Variants in PCDHGA5 observed in about 807,000 individuals in gnomAD.
PCDHGA5 encodes the protein protocadherin gamma subfamily A, 5.
Under a neutral mutation model 56.7 loss-of-function variants are expected in PCDHGA5, and 36 were observed. That is an observed-to-expected ratio of 0.64 (90% CI 0.49 to 0.84). PCDHGA5 has a LOEUF of 0.84. PCDHGA5 is among the 40% of genes least tolerant of loss of function. The probability of loss-of-function intolerance (pLI) is 0.00; values close to 1 mark genes in which losing one functional copy is unlikely to be tolerated. For synonymous variants in PCDHGA5, 563 were observed against 520.2 expected, an observed-to-expected ratio of 1.08 and a Z score of -1.12; for missense variants, 1,305 against 1,201.5, an observed-to-expected ratio of 1.09 and a Z score of -1.27.
chr5:141,376,210 C>T lies in PCDHGA5; in HGVS notation c.2421+9459C>T, dbSNP rs112869528. On this transcript the variant is annotated intron_variant, in intron 1 of 3. Transcript: ENST00000518069. ...CCTGCGTCTTCCTGGCCTTCGTCAT[C>T]GTGCTGCTGGCGCTCAGACTGCAGC... is the stretch of plus-strand genomic sequence containing the variant. 4,829 of 1,614,162 alleles carry T rather than the reference C, an allele frequency of 3.0e-3. 128 individuals carry two copies. The African/African-American group carries it at 0.055, about 18-fold the overall frequency.
At chr5:141,456,574 T>G (rs373414652) in intron 1 of PCDHGA5, among the ~76,000 whole-genome samples, 3 of 152,198 alleles carry the variant, frequency 2.0e-5, no homozygotes, top group South Asian at 4.1e-4. Flanking sequence ...ACATTTTCCC[T>G]GAGCCTGTCA....
At chr5:141,376,381 T>C (rs1588802356) in intron 1 of PCDHGA5, 13 of 1,613,972 alleles carry the variant, frequency 8.1e-6, no homozygotes, top group Middle Eastern at 1.7e-4. Context: ...CGCGTAAGAG[T>C]CATCTGATTT....
At chr5:141,395,094 G>T (rs192995605) in intron 1 of PCDHGA5, 4 of 1,614,042 alleles carry the variant, frequency 2.5e-6, no homozygotes, top group Non-Finnish European at 3.4e-6. Flanking sequence ...CTCCCTCACC[G>T]CCGACTCGCG....
chr5:141,475,202 G>T (rs746895166), intron 1 of PCDHGA5, among the ~76,000 whole-genome samples: 38 of 152,086 alleles, frequency 2.5e-4, no homozygotes, highest in Non-Finnish European at 5.3e-4. Context: ...CAAGATCTTG[G>T]GAAAAGGATT....
At chr5:141,409,920 C>T (rs759433257) in intron 1 of PCDHGA5, 2 of 1,613,400 alleles carry the variant, frequency 1.2e-6, no homozygotes, top group Non-Finnish European at 1.7e-6. Flanking sequence ...GACGGCTCCG[C>T]GTTCTTCGAT....
chr5:141,486,714 C>G lies in PCDHGA5; in HGVS notation c.2422-8093C>G. On this transcript the variant is annotated intron_variant, in intron 1 of 3. Transcript: ENST00000518069. This position sits in a 1 kb window ranked among gnomAD's most constrained non-coding sequence, Gnocchi z 5.0. ...TCTTTCATCTCTCTGAACCCCCAGA[C>G]AGGAGCTGTTCATGCTACTCGATCC... 1.2e-6 allele frequency: 2 copies of G among 1,614,216 alleles called. No individual in the cohort carries two copies. Among genetic ancestry groups the G allele is most frequent in the African/African-American group, 1.3e-5 (1 of 75,062 alleles).
At chr5:141,393,777 G>A (rs1388423635) in intron 1 of PCDHGA5, 2 of 1,613,916 alleles carry the variant, frequency 1.2e-6, no homozygotes, top group East Asian at 2.2e-5. Context: ...AATACAAGCC[G>A]AAGATGTGGG....
rs1054012796 is a variant in PCDHGA5 at position 141,420,071 on chromosome 5, G to C, written c.2421+53320G>C. The C allele has an allele frequency of 6.2e-7, 1 of 1,614,050 alleles. No individual in the cohort carries two copies. On this transcript the variant is annotated intron_variant, in intron 1 of 3. Coordinates refer to ENST00000518069, the MANE Select transcript of PCDHGA5 (RefSeq NM_018918.3). ...AGTTCTCTGCTCCAAGTCCGGACCT[G>C]TGGGTCCCCCCAACTACAGTGAGGG...
chr5:141,372,707 G>C, intron 1 of PCDHGA5: 1 of 1,613,964 alleles, frequency 6.2e-7, no homozygotes, highest in Non-Finnish European at 8.5e-7. Context: ...TCAATATAAA[G>C]GCTGAAAATG....
chr5:141,456,800 TA>T (rs1038857337), intron 1 of PCDHGA5, among the ~76,000 whole-genome samples: 2 of 151,846 alleles, frequency 1.3e-5, no homozygotes, highest in African/African-American at 4.8e-5. Flanking sequence ...CCATCTCTAC[TA>T]AAAATACAAA....
At chr5:141,414,932 C>T (rs770025434) in intron 1 of PCDHGA5, 3 of 1,614,162 alleles carry the variant, frequency 1.9e-6, no homozygotes, top group Middle Eastern at 1.7e-4. Context: ...CCCCGCTCCG[C>T]AGAGCCCGGC....
chr5:141,432,991 C>G lies in PCDHGA5; in HGVS notation c.2422-61816C>G, dbSNP rs1269992849. ...CGGCGTCGCACTTTGTGGGCGTGGACGGGGTGCAGGCTTTCCTGCAGACCT... is the reference window on the plus strand; with the variant it reads ...CGGCGTCGCACTTTGTGGGCGTGGAGGGGGTGCAGGCTTTCCTGCAGACCT... On this transcript the variant is annotated intron_variant, in intron 1 of 3. Transcript: ENST00000518069. The surrounding 1 kb of genome is among the most constrained non-coding windows in gnomAD (Gnocchi z 6.0). The G allele has an allele frequency of 6.2e-7, 1 of 1,614,200 alleles. No homozygotes were observed. Among genetic ancestry groups the G allele is most frequent in the Admixed American group, 1.7e-5 (1 of 60,032 alleles).
Position 141,485,606 on chromosome 5 carries a change from G to T in PCDHGA5, c.2422-9201G>T, listed in dbSNP as rs2099616630. On this transcript the variant is annotated intron_variant, in intron 1 of 3. Transcript: ENST00000518069. The surrounding 1 kb of genome is among the most constrained non-coding windows in gnomAD (Gnocchi z 5.7). ...GCAGCTGGACTTGGAAATTGGGGAG[G>T]CAGCTCCTCCAGGACAGCGTTTCCC... is the stretch of plus-strand genomic sequence containing the variant. 1.2e-6 allele frequency: 2 copies of T among 1,612,362 alleles called. No homozygotes were observed. The highest frequency in any genetic ancestry group is 4.5e-5 in the East Asian group (2 of 44,840).
intron 1 of PCDHGA5, chr5:141,409,850 G>T (rs1301108879): frequency 6.2e-7 from 1 of 1,612,142 alleles, no homozygotes; most frequent in South Asian, 1.1e-5. Context: ...GAGCCTGCGC[G>T]TGTTGGTGGG....
At chr5:141,439,151 C>T (rs563575567) in intron 1 of PCDHGA5, among the ~76,000 whole-genome samples, 1 of 150,892 alleles carries the variant, frequency 6.6e-6, no homozygotes, top group Admixed American at 6.6e-5. Context: ...TGAGATCACG[C>T]CACTGCACTC....
chr5:141,450,776 C>G (rs757791026), intron 1 of PCDHGA5, among the ~76,000 whole-genome samples: 1 of 151,440 alleles, frequency 6.6e-6, no homozygotes, highest in Non-Finnish European at 1.5e-5. Flanking sequence ...CATGAGCCAC[C>G]GTGCCCGGAC....
chr5:141,484,763 T>C (rs2099600495), intron 1 of PCDHGA5, among the ~76,000 whole-genome samples: 1 of 151,872 alleles, frequency 6.6e-6, no homozygotes, highest in East Asian at 1.9e-4. Flanking sequence ...TATATATATA[T>C]ATGTTGTCTG....
At chr5:141,409,075 G>A (rs1416534881) in intron 1 of PCDHGA5, 2 of 1,613,904 alleles carry the variant, frequency 1.2e-6, no homozygotes, top group East Asian at 2.2e-5. Flanking sequence ...CAAAACATAT[G>A]TTCTCATTGG....
intron 1 of PCDHGA5, chr5:141,398,904 C>T: frequency 6.2e-7 from 1 of 1,613,930 alleles, no homozygotes; most frequent in Non-Finnish European, 8.5e-7. Context: ...CACCAGGCAC[C>T]ACTGTGTTGC....
Sources: allele counts gnomAD v4.1 joint callset (sites outside exome capture counted in the v4.1 genomes callset), GRCh38; gene constraint gnomAD v4.1.1; non-coding constraint Gnocchi (gnomAD v3.1); transcripts MANE v1.5; gene names NCBI Gene and HGNC (gene_info 2026-07-23, HGNC 2026-07-21).